The following GABRA4 variants were observed in gnomAD, a reference collection of about 807,000 sequenced individuals.
GABRA4 encodes the protein gamma-aminobutyric acid receptor subunit alpha-4.
GABRA4 carries 12 observed loss-of-function variants against 49.7 expected under a neutral mutation model. The observed-to-expected ratio is 0.24, with a 90% confidence interval of 0.15 to 0.39. The LOEUF (loss-of-function observed/expected upper bound fraction) is 0.39, where lower values mean the gene tolerates loss of function less well. Among genes scored for constraint, GABRA4 ranks in the 10% least tolerant of loss-of-function variants. The pLI is 1.00. For missense variants in GABRA4, 506 were observed against 686.0 expected, an observed-to-expected ratio of 0.74 and a Z score of 2.93; for synonymous variants, 288 against 240.2, an observed-to-expected ratio of 1.20 and a Z score of -1.84.
chr4:46,942,644 A>G (rs1721847628), intron 8 of GABRA4, among the ~76,000 whole-genome samples: 1 of 151,314 alleles, frequency 6.6e-6, no homozygotes, highest in Admixed American at 6.6e-5. Flanking sequence ...AAAAAAAAAA[A>G]TTATGTCTTA....
chr4:46,972,567 C>T (rs1487854810), intron 6 of GABRA4, among the ~76,000 whole-genome samples: 2 of 151,448 alleles, frequency 1.3e-5, no homozygotes, highest in Admixed American at 1.3e-4. Context: ...TACATCACCC[C>T]CAAAAGTTCC....
chr4:46,951,164 T>G (rs1722160247), intron 8 of GABRA4, among the ~76,000 whole-genome samples: 1 of 151,992 alleles, frequency 6.6e-6, no homozygotes, highest in African/African-American at 2.4e-5. Context: ...TACACAGATT[T>G]CCTTCAGTTA....
chr4:46,920,046 C>T lies in GABRA4; in HGVS notation c.*8179G>A, dbSNP rs1720921760. 1 of 151,500 alleles carries T rather than the reference C, an allele frequency of 6.6e-6. No individual in the cohort carries two copies. Among genetic ancestry groups the T allele is most frequent in the African/African-American group, 2.4e-5 (1 of 41,332 alleles). The allele number at this position is 151,500 out of a possible 1,614,324, so 9.4% of individuals were successfully genotyped here. A position where few individuals can be genotyped will look rare whatever the true frequency, so the allele number is the denominator to read the frequency against. The stretch of plus-strand genomic sequence containing the variant: ...TATACATAATCAGTAAAATGACAAG[C>T]CAACATGCTGCACTGTGTTAGCAAC... On this transcript the variant is annotated 3_prime_UTR_variant, in exon 9 of 9. Transcript: ENST00000264318.
chr4:46,957,139 A>G (rs1577768183), intron 8 of GABRA4, among the ~76,000 whole-genome samples: 1 of 151,962 alleles, frequency 6.6e-6, no homozygotes, highest in African/African-American at 2.4e-5. Context: ...AATCCTTATT[A>G]TAAGCCTTTC....
At chr4:46,983,412 A>G (rs6851503) in intron 2 of GABRA4, among the ~76,000 whole-genome samples, 2,277 of 152,188 alleles carry the variant, frequency 0.015, 50 homozygotes, top group African/African-American at 0.052. Flanking sequence ...TGAAGTCCCA[A>G]ACTAGCACAA....
intron 2 of GABRA4, among the ~76,000 whole-genome samples, chr4:46,981,935 A>C (rs1025218470): frequency 3.3e-5 from 5 of 152,052 alleles, no homozygotes; most frequent in African/African-American, 1.2e-4. Context: ...AAAAGGGCTG[A>C]GTGTATTCAG....
chr4:46,935,740 C>G (rs76563221), intron 8 of GABRA4, among the ~76,000 whole-genome samples: 18,588 of 151,992 alleles, frequency 0.12, 1,681 homozygotes, highest in East Asian at 0.3. Flanking sequence ...ATGGGTGCAG[C>G]ACGCCACCAT....
chr4:46,993,453 T>A lies in GABRA4; in HGVS notation c.-29A>T. On this transcript the variant is annotated 5_prime_UTR_variant, in exon 1 of 9. Transcript: ENST00000264318. The stretch of plus-strand genomic sequence containing the variant: ...TGCAACATGCCATACTTCAAGCCTG[T>A]TCACGTTTCCAGGCTCTTCAGATGC... 6.2e-7 allele frequency: 1 copy of A among 1,610,380 alleles called. No homozygotes were observed. The highest frequency in any genetic ancestry group is 8.5e-7 in the Non-Finnish European group (1 of 1,176,664).
At chr4:46,990,855 G>A in intron 2 of GABRA4, among the ~76,000 whole-genome samples, 1 of 152,290 alleles carries the variant, frequency 6.6e-6, no homozygotes, top group East Asian at 1.9e-4. Flanking sequence ...GCAGGAGAAA[G>A]TTTCATCCTT....
intron 8 of GABRA4, among the ~76,000 whole-genome samples, chr4:46,933,954 C>A (rs772199767): frequency 5.9e-5 from 9 of 152,058 alleles, no homozygotes; most frequent in Non-Finnish European, 1.0e-4. Context: ...CAGATCCAGG[C>A]AATTCGTCAG....
chr4:46,993,131 C>T (rs578256276), intron 1 of GABRA4, among the ~76,000 whole-genome samples, 185 bp from the exon 2 acceptor site: 3 of 152,300 alleles, frequency 2.0e-5, no homozygotes, highest in Admixed American at 1.3e-4. Context: ...CCGCAAGACC[C>T]CCAGTGCCCA....
At chr4:46,977,334 A>AGGG (rs1723178580) in intron 4 of GABRA4, 76 bp downstream of exon 4, 9 of 797,310 alleles carry the variant, frequency 1.1e-5, no homozygotes, top group African/African-American at 1.0e-4. Flanking sequence ...GGGAGGAAGG[A>AGGG]AGGAAGGAAG....
intron 8 of GABRA4, among the ~76,000 whole-genome samples, chr4:46,953,839 G>C (rs1356428550): frequency 6.6e-6 from 1 of 152,060 alleles, no homozygotes; most frequent in Non-Finnish European, 1.5e-5. Context: ...AGTAAGTATG[G>C]GGCCAGGGAC....
Position 46,977,347 on chromosome 4 carries a change from A to AGAAAG in GABRA4, c.494+58_494+62dup, listed in dbSNP as rs1195741151. 20 of 848,648 alleles carry AGAAAG rather than the reference A, an allele frequency of 2.4e-5. No individual in the cohort carries two copies. In the African/African-American group the frequency reaches 2.7e-4, roughly 12 times the overall value. 52.6% of individuals were successfully genotyped at this position (848,648 alleles called of 1,614,324 possible). A position where few individuals can be genotyped will look rare whatever the true frequency, so the allele number is the denominator to read the frequency against. On this transcript the variant is annotated intron_variant, in intron 4 of 8. Coordinates refer to ENST00000264318, the MANE Select transcript of GABRA4 (RefSeq NM_000809.4). ...GAGGGAGGAAGGAAGGAAGGAAGGA[A>AGAAAG]GAAAGGAAAGGAAAGAAAGAAAAGA...
intron 2 of GABRA4, among the ~76,000 whole-genome samples, chr4:46,989,346 C>T (rs1723658758): frequency 6.6e-6 from 1 of 152,180 alleles, no homozygotes; most frequent in African/African-American, 2.4e-5. Context: ...TGGAAGGCTT[C>T]ACTTGTGTGC....
Position 46,928,715 on chromosome 4 carries a change from G to A in GABRA4, c.1175C>T (p.Ala392Val). ...AACATCAGATTCAGAGTGAACCAAA[G>A]CATTTGTTCTTTTTCTCATGTTCAA... ...ANLNMRKRTN[A>V]LVHSESDVGN... The change falls in exon 9 of 9, where the codon GCT becomes GTT. Residue 392 changes from alanine to valine, a missense_variant. Physicochemically the swap from Ala to Val is moderately conservative, Grantham distance 64. This residue lies in a region of GABRA4 where 243 missense variants were observed against 210.8 expected (regional missense o/e 1.15). Coordinates refer to ENST00000264318, the MANE Select transcript of GABRA4 (RefSeq NM_000809.4). 5 of 1,612,312 alleles carry A rather than the reference G, an allele frequency of 3.1e-6. No individual in the cohort carries two copies. Among genetic ancestry groups the A allele is most frequent in the African/African-American group, 1.3e-5 (1 of 74,944 alleles).
intron 3 of GABRA4, 65 bp from the exon 4 acceptor site, chr4:46,977,695 T>C: frequency 9.2e-7 from 1 of 1,081,808 alleles, no homozygotes; most frequent in Non-Finnish European, 1.3e-6. Flanking sequence ...GTGAAAATAA[T>C]GCATTAAATT....
At chr4:46,966,106 C>T (rs558650945) in intron 7 of GABRA4, among the ~76,000 whole-genome samples, 17 of 151,722 alleles carry the variant, frequency 1.1e-4, no homozygotes, top group Non-Finnish European at 2.1e-4. Context: ...TAGAGTAACA[C>T]ATTATTTAAG....
chr4:46,933,096 G>C (rs940010281), intron 8 of GABRA4, among the ~76,000 whole-genome samples: 1 of 152,092 alleles, frequency 6.6e-6, no homozygotes, highest in African/African-American at 2.4e-5. Flanking sequence ...AGAGTGGGGT[G>C]TGCAACATGA....
Sources: gnomAD v4.1 joint callset for allele counts (sites outside exome capture counted in the v4.1 genomes callset) on GRCh38, gnomAD v4.1.1 for gene constraint, gnomAD v4.1.1 regional missense constraint, MANE v1.5 for transcripts, NCBI Gene and HGNC (gene_info 2026-07-23, HGNC 2026-07-21) for gene names.